EXOC4: variants seen among roughly 807,000 people sequenced by gnomAD.
The protein encoded by EXOC4 is exocyst complex component 4, also known as SEC8-like 1.
Under a neutral mutation model 107.2 loss-of-function variants are expected in EXOC4, and 71 were observed. The ratio of observed to expected loss-of-function variants is 0.66; its 90% confidence interval spans 0.55 to 0.81. The LOEUF is 0.81. Ranked by LOEUF, EXOC4 falls within the 30% of genes least tolerant of loss-of-function variation. The pLI is 0.00. For missense variants in EXOC4, 1,108 were observed against 1,189.6 expected (o/e 0.93, Z 1.01); for synonymous variants, 456 against 441.2 (o/e 1.03, Z -0.42).
intron 10 of EXOC4, among the ~76,000 whole-genome samples, chr7:133,792,424 G>T (rs1381678278): frequency 6.6e-6 from 1 of 151,604 alleles, no homozygotes; most frequent in Non-Finnish European, 1.5e-5. Flanking sequence ...GGTGTGGCAC[G>T]CACCTGTAGA....
intron 7 of EXOC4, among the ~76,000 whole-genome samples, chr7:133,441,418 T>C (rs1798100985): frequency 6.6e-6 from 1 of 152,158 alleles, no homozygotes; most frequent in Non-Finnish European, 1.5e-5. Flanking sequence ...TGAGACATAG[T>C]CTCACTCTGT....
chr7:133,887,989 G>A (rs995081333), intron 11 of EXOC4, among the ~76,000 whole-genome samples: 19 of 152,158 alleles, frequency 1.2e-4, no homozygotes, highest in Non-Finnish European at 2.1e-4. Flanking sequence ...AGAAAAGGAA[G>A]TTGAACTTCT....
chr7:133,889,259 C>T (rs894649271), intron 11 of EXOC4, among the ~76,000 whole-genome samples: 5 of 151,898 alleles, frequency 3.3e-5, no homozygotes, highest in East Asian at 1.9e-4. Context: ...TCCATGATAG[C>T]GACTTGAAAA....
At chr7:133,596,359 A>T (rs1370872021) in intron 9 of EXOC4, among the ~76,000 whole-genome samples, 1 of 152,240 alleles carries the variant, frequency 6.6e-6, no homozygotes, top group Non-Finnish European at 1.5e-5. Context: ...ACTAGGGAAA[A>T]TGTGCATAGA....
intron 9 of EXOC4, among the ~76,000 whole-genome samples, chr7:133,589,679 T>C (rs574483099): frequency 4.1e-4 from 62 of 152,312 alleles, no homozygotes; most frequent in Non-Finnish European, 1.0e-4. Context: ...ATGTTGGCTA[T>C]TGTGTGTGCT....
intron 10 of EXOC4, among the ~76,000 whole-genome samples, chr7:133,779,248 A>C (rs1181280082): frequency 1.3e-5 from 2 of 152,222 alleles, no homozygotes; most frequent in Non-Finnish European, 2.9e-5. Flanking sequence ...CATTTTCATC[A>C]TATAAGTGAG....
At chr7:133,686,650 A>G (rs1794304540) in intron 10 of EXOC4, among the ~76,000 whole-genome samples, 1 of 152,208 alleles carries the variant, frequency 6.6e-6, no homozygotes, top group Non-Finnish European at 1.5e-5. Context: ...GGAAATGCAA[A>G]TCAAAACCAC....
chr7:133,432,299 T>A (rs1477974895), intron 7 of EXOC4, among the ~76,000 whole-genome samples: 1 of 152,180 alleles, frequency 6.6e-6, no homozygotes, highest in Non-Finnish European at 1.5e-5. Context: ...TATAACTTTA[T>A]TAACTTTACC....
At chr7:133,762,789 G>C (rs182986114) in intron 10 of EXOC4, among the ~76,000 whole-genome samples, 1 of 151,932 alleles carries the variant, frequency 6.6e-6, no homozygotes, top group Non-Finnish European at 1.5e-5. Flanking sequence ...AATAATTTCC[G>C]AATAGTATGT....
At chr7:133,736,217 A>AC (rs992487922) in intron 10 of EXOC4, among the ~76,000 whole-genome samples, 7 of 152,148 alleles carry the variant, frequency 4.6e-5, no homozygotes, top group African/African-American at 1.7e-4. Context: ...ATACTCTTCT[A>AC]CCCCAAGTTT....
chr7:133,661,672 T>TAAAAAAAA (rs1177627198), intron 10 of EXOC4, among the ~76,000 whole-genome samples: 4 of 13,458 alleles, frequency 3.0e-4, no homozygotes, highest in African/African-American at 5.5e-4. Flanking sequence ...TCCTTAAAAC[T>TAAAAAAAA]AAAAAAAAAA....
chr7:133,457,556 A>T (rs1798492288), intron 7 of EXOC4, among the ~76,000 whole-genome samples: 1 of 152,114 alleles, frequency 6.6e-6, no homozygotes, highest in Non-Finnish European at 1.5e-5. Context: ...ATCAAAATTT[A>T]ATACTTGTTG....
At chr7:133,619,647 C>T (rs1802278460) in intron 9 of EXOC4, among the ~76,000 whole-genome samples, 1 of 152,202 alleles carries the variant, frequency 6.6e-6, no homozygotes, top group African/African-American at 2.4e-5. Flanking sequence ...TCATATCACT[C>T]TTGCTGTTAC....
At chr7:133,287,470 C>G in intron 2 of EXOC4, among the ~76,000 whole-genome samples, 1 of 152,034 alleles carries the variant, frequency 6.6e-6, no homozygotes, top group East Asian at 1.9e-4. Flanking sequence ...GCCACCATGC[C>G]CAGCTAATTT....
chr7:133,834,419 T>C (rs138286954), intron 11 of EXOC4, among the ~76,000 whole-genome samples: 161 of 152,328 alleles, frequency 1.1e-3, no homozygotes, highest in African/African-American at 3.6e-3. Flanking sequence ...GTTTAGATTG[T>C]ACAACCTTAC....
chr7:133,475,619 A>T (rs1223555581), intron 8 of EXOC4, 146 bp downstream of exon 8: 3 of 715,808 alleles, frequency 4.2e-6, no homozygotes, highest in Non-Finnish European at 6.5e-6. Context: ...AGTTTTATTT[A>T]TTTTTGTTTT....
At chr7:133,295,063 A>G (rs1794488001) in intron 3 of EXOC4, among the ~76,000 whole-genome samples, 1 of 152,114 alleles carries the variant, frequency 6.6e-6, no homozygotes, top group African/African-American at 2.4e-5. Context: ...GTTATTTATA[A>G]TCGATAAATT....
At chr7:134,094,977 A>G in the EXOC4 span, among the ~76,000 whole-genome samples, 4 of 152,130 alleles carry the variant, frequency 2.6e-5, no homozygotes, top group African/African-American at 7.2e-5. Context: ...AGCAAAAGAA[A>G]GAAATAAAAG....
intron 11 of EXOC4, among the ~76,000 whole-genome samples, chr7:133,883,253 C>T (rs1799003259): frequency 6.6e-6 from 1 of 151,492 alleles, no homozygotes; most frequent in Non-Finnish European, 1.5e-5. Context: ...CTGCAGTCTT[C>T]CATTGTATGA....
Sources: gnomAD v4.1 joint callset for allele counts (sites outside exome capture counted in the v4.1 genomes callset) on GRCh38, gnomAD v4.1.1 for gene constraint, MANE v1.5 for transcripts, NCBI Gene and HGNC (gene_info 2026-07-23, HGNC 2026-07-21) for gene names.